The following PCDH15 variants were observed in gnomAD, a reference collection of about 807,000 sequenced individuals.
PCDH15 encodes the protein protocadherin related 15.
In PCDH15, 129 loss-of-function variants were observed where a neutral mutation model predicts 178.5. The ratio of observed to expected loss-of-function variants is 0.72; its 90% CI spans 0.63 to 0.84. The LOEUF is 0.84. Among genes scored for constraint, PCDH15 ranks in the 40% least tolerant of loss-of-function variants. The pLI is 0.00. For missense variants in PCDH15, 2,230 were observed against 2,099.9 expected, an observed-to-expected ratio of 1.06 and a Z score of -1.21; for synonymous variants, 800 against 732.0, an observed-to-expected ratio of 1.09 and a Z score of -1.50.
At chr10:54,124,477 G>A (rs115943464) in intron 15 of PCDH15, among the ~76,000 whole-genome samples, 1,994 of 152,140 alleles carry the variant, frequency 0.013, 38 homozygotes, top group African/African-American at 0.046. Context: ...TAAGTATCGT[G>A]TTCCATATTT....
intron 3 of PCDH15, among the ~76,000 whole-genome samples, chr10:54,427,448 T>G (rs1956426073): frequency 6.6e-6 from 1 of 151,706 alleles, no homozygotes. Flanking sequence ...CCGGCTAACT[T>G]TGTATTTTTA....
At chr10:55,418,856 T>C (rs1423960364) in intron 2 of PCDH15, among the ~76,000 whole-genome samples, 4 of 151,718 alleles carry the variant, frequency 2.6e-5, no homozygotes, top group Non-Finnish European at 5.9e-5. Flanking sequence ...AACCTTAAAA[T>C]AATTAAAGCA....
At chr10:54,623,822 G>C (rs986443252) in intron 2 of PCDH15, among the ~76,000 whole-genome samples, 4 of 152,012 alleles carry the variant, frequency 2.6e-5, no homozygotes, top group African/African-American at 9.7e-5. Context: ...TCGACTACTA[G>C]TTATGTACTA....
intron 2 of PCDH15, among the ~76,000 whole-genome samples, chr10:55,004,471 C>A (rs1425432010): frequency 6.6e-6 from 1 of 152,156 alleles, no homozygotes; most frequent in African/African-American, 2.4e-5. Flanking sequence ...AACCACCAGG[C>A]CTCCAGATAG....
At chr10:54,055,335 C>G (rs1021411366) in intron 18 of PCDH15, among the ~76,000 whole-genome samples, 3 of 152,104 alleles carry the variant, frequency 2.0e-5, no homozygotes, top group Admixed American at 6.5e-5. Context: ...TTTTTGTTAC[C>G]TAGACCTCAA....
chr10:54,459,245 G>A (rs2077020773), intron 3 of PCDH15, among the ~76,000 whole-genome samples: 1 of 151,976 alleles, frequency 6.6e-6, no homozygotes, highest in African/African-American at 2.4e-5. Context: ...CCTGCGACAG[G>A]AACAAGAAGG....
At chr10:55,318,970 T>C (rs997495799) in intron 1 of PCDH15, among the ~76,000 whole-genome samples, 3 of 152,056 alleles carry the variant, frequency 2.0e-5, no homozygotes, top group African/African-American at 7.2e-5. Context: ...GTGTAAAAAT[T>C]TTTAAGGTGA....
In PCDH15 at chr10:53,935,921, A is replaced by C. The variant is rs540960617; in HGVS notation, c.3373+2894T>G. Among the ~76,000 whole-genome samples, 3 of 152,300 alleles carry C rather than the reference A, an allele frequency of 2.0e-5. No individual in the cohort carries two copies. The East Asian group carries it at 5.8e-4, about 29-fold the overall frequency. ...TTACTATTGGTGGTTGCTACTATCT[A>C]TATCACAAAAAGAGAATCAAAGAGA... On this transcript the variant is annotated intron_variant, in intron 25 of 37. Transcript: ENST00000644397.
At chr10:55,120,613 A>T (rs976669895) in intron 2 of PCDH15, among the ~76,000 whole-genome samples, 32 of 152,318 alleles carry the variant, frequency 2.1e-4, no homozygotes, top group African/African-American at 7.7e-4. Flanking sequence ...AACTACCAAG[A>T]GAAAGATGTG....
At chr10:54,048,674 T>C (rs1243329757) in intron 18 of PCDH15, among the ~76,000 whole-genome samples, 1 of 152,170 alleles carries the variant, frequency 6.6e-6, no homozygotes, top group African/African-American at 2.4e-5. Flanking sequence ...TTGCTTATTT[T>C]TGTTGACTTT....
intron 2 of PCDH15, among the ~76,000 whole-genome samples, chr10:55,104,541 T>C (rs1842634789): frequency 6.6e-6 from 1 of 152,160 alleles, no homozygotes; most frequent in Admixed American, 6.6e-5. Context: ...TGCATTTTCA[T>C]TACAAGAAAA....
At chr10:54,556,877 C>T (rs1241903692) in intron 2 of PCDH15, among the ~76,000 whole-genome samples, 1 of 151,532 alleles carries the variant, frequency 6.6e-6, no homozygotes, top group Non-Finnish European at 1.5e-5. Context: ...CTGGGAGTGG[C>T]AGGGTTGGGG....
At chr10:55,121,364 G>GC (rs1317157178) in intron 2 of PCDH15, among the ~76,000 whole-genome samples, 4 of 149,878 alleles carry the variant, frequency 2.7e-5, no homozygotes, top group South Asian at 2.2e-4. Flanking sequence ...GAGCTGGGGG[G>GC]GGGCAATTTG....
At chr10:54,560,233 C>T (rs966185563) in intron 2 of PCDH15, among the ~76,000 whole-genome samples, 7 of 152,060 alleles carry the variant, frequency 4.6e-5, no homozygotes, top group East Asian at 3.9e-4. Context: ...TAATCTACAT[C>T]GGGAAACACT....
At chr10:53,816,107 A>G in intron 35 of PCDH15, 132 bp downstream of exon 35, 2 of 393,334 alleles carry the variant, frequency 5.1e-6, no homozygotes, top group Non-Finnish European at 9.0e-6. Flanking sequence ...GTTATTTTGA[A>G]AGACTCTTTT....
chr10:55,615,644 G>T (rs1367308436), intron 2 of PCDH15, among the ~76,000 whole-genome samples: 1 of 152,060 alleles, frequency 6.6e-6, no homozygotes, highest in Admixed American at 6.6e-5. Flanking sequence ...GAGGCAATAA[G>T]GTCAATTGAG....
At chr10:54,780,727 A>G (rs1236873360) in intron 1 of PCDH15, among the ~76,000 whole-genome samples, 3 of 136,342 alleles carry the variant, frequency 2.2e-5, no homozygotes, top group Non-Finnish European at 4.7e-5. Context: ...TGATAAAGCA[A>G]TTGTGTAAAA....
chr10:54,043,723 C>T (rs540076527), intron 18 of PCDH15, among the ~76,000 whole-genome samples: 1 of 152,128 alleles, frequency 6.6e-6, no homozygotes, highest in African/African-American at 2.4e-5. Flanking sequence ...CAATCAACTC[C>T]CTGACAAGTC....
At chr10:54,267,711 C>T (rs1305159054) in intron 8 of PCDH15, among the ~76,000 whole-genome samples, 1 of 151,628 alleles carries the variant, frequency 6.6e-6, no homozygotes, top group African/African-American at 2.4e-5. Flanking sequence ...TTAGGAATAC[C>T]TCTAACCAAG....
Sources: gnomAD v4.1 joint callset for allele counts (sites outside exome capture counted in the v4.1 genomes callset) on GRCh38, gnomAD v4.1.1 for gene constraint, MANE v1.5 for transcripts, NCBI Gene and HGNC (gene_info 2026-07-23, HGNC 2026-07-21) for gene names.